The following MECOM variants were observed in gnomAD, a reference collection of about 807,000 sequenced individuals.
MECOM encodes the protein MDS1 and EVI1 complex locus.
MECOM carries 13 observed loss-of-function variants against 116.3 expected under a neutral mutation model. The observed-to-expected ratio is 0.11, with a 90% CI of 0.07 to 0.18. The LOEUF is 0.18. Among genes scored for constraint, MECOM ranks in the 10% least tolerant of loss-of-function variants. The pLI, the probability that MECOM is intolerant of heterozygous loss-of-function variation, is 1.00. For missense variants in MECOM, 1,299 were observed against 1,509.0 expected (o/e 0.86, Z 2.31); for synonymous variants, 528 against 535.2 (o/e 0.99, Z 0.19).
At chr3:169,244,110 C>T (rs1755246462) in intron 2 of MECOM, among the ~76,000 whole-genome samples, 1 of 152,188 alleles carries the variant, frequency 6.6e-6, no homozygotes, top group Non-Finnish European at 1.5e-5. Context: ...CAGAAATGTG[C>T]CCCTCCACAA....
At chr3:169,653,816 G>T (rs961816317) in intron 1 of MECOM, among the ~76,000 whole-genome samples, 4 of 152,154 alleles carry the variant, frequency 2.6e-5, no homozygotes, top group Admixed American at 2.0e-4. Context: ...GGCACAAAAA[G>T]GTTACATGGC....
At chr3:169,223,397 G>A (rs940045418) in intron 2 of MECOM, among the ~76,000 whole-genome samples, 5 of 149,118 alleles carry the variant, frequency 3.4e-5, no homozygotes, top group African/African-American at 1.2e-4. Context: ...TTGGTTTTCT[G>A]TCCTTGTGAT....
At chr3:169,579,716 G>A (rs998102773) in intron 1 of MECOM, among the ~76,000 whole-genome samples, 4 of 152,158 alleles carry the variant, frequency 2.6e-5, no homozygotes, top group African/African-American at 9.7e-5. Context: ...CTTCCTAGCT[G>A]GGCCCAAATG....
intron 2 of MECOM, among the ~76,000 whole-genome samples, chr3:169,209,999 TACAC>T (rs1044213987): frequency 9.2e-5 from 14 of 152,140 alleles, no homozygotes; most frequent in African/African-American, 3.4e-4. Flanking sequence ...GTGGTATATA[TACAC>T]CATGGAATGC....
intron 1 of MECOM, among the ~76,000 whole-genome samples, chr3:169,392,066 G>A (rs769735524): frequency 2.6e-5 from 4 of 152,052 alleles, no homozygotes; most frequent in Admixed American, 6.5e-5. Flanking sequence ...CAGTACAATC[G>A]GCTTTTGTTG....
chr3:169,652,374 A>C (rs1775027852), intron 1 of MECOM, among the ~76,000 whole-genome samples: 1 of 152,230 alleles, frequency 6.6e-6, no homozygotes, highest in Admixed American at 6.5e-5. Flanking sequence ...GTCTATGCTA[A>C]GCATAAAAGC....
At chr3:169,144,972 T>C (rs73167967) in intron 2 of MECOM, 94 of 1,553,070 alleles carry the variant, frequency 6.1e-5, no homozygotes, top group Admixed American at 9.5e-5. Flanking sequence ...AATCACCCAA[T>C]TGCAGATTCA....
intron 1 of MECOM, among the ~76,000 whole-genome samples, chr3:169,450,220 G>A (rs1051981169): frequency 3.3e-5 from 5 of 152,110 alleles, no homozygotes; most frequent in Admixed American, 1.3e-4. Context: ...AGACACTAAC[G>A]TAAACCTATT....
intron 1 of MECOM, among the ~76,000 whole-genome samples, chr3:169,529,946 A>G (rs1293311785): frequency 6.6e-6 from 1 of 152,228 alleles, no homozygotes; most frequent in African/African-American, 2.4e-5. Context: ...CAAATAACTC[A>G]AAGTAGAAAA....
intron 1 of MECOM, among the ~76,000 whole-genome samples, chr3:169,653,744 C>T (rs1367600029): frequency 1.3e-5 from 2 of 152,156 alleles, no homozygotes; most frequent in African/African-American, 2.4e-5. Flanking sequence ...ACTCTAAATG[C>T]ATTAGTTTGA....
At chr3:169,171,059 T>C (rs2149371037) in intron 2 of MECOM, among the ~76,000 whole-genome samples, 1 of 152,344 alleles carries the variant, frequency 6.6e-6, no homozygotes, top group African/African-American at 2.4e-5. Flanking sequence ...TGTCACTGTA[T>C]GCTTATAAAT....
At chr3:169,145,729 G>C (rs944816937) in intron 2 of MECOM, 1 of 220,478 alleles carries the variant, frequency 4.5e-6, no homozygotes, top group Non-Finnish European at 9.1e-6. Context: ...CCTTTCACAG[G>C]GGCAGGGAGT....
chr3:169,313,044 G>A lies in MECOM; in HGVS notation c.375+68143C>T, dbSNP rs1001009351. Among the ~76,000 whole-genome samples, 5 of 152,260 alleles carry A rather than the reference G, an allele frequency of 3.3e-5. No individual in the cohort carries two copies. The East Asian group carries it at 7.7e-4, about 23-fold the overall frequency. ...GAAAAGAGGACAAGTAACCACAAAA[G>A]CAAGTTGAGACAACCAGTGAAATAA... On this transcript the variant is annotated intron_variant, in intron 2 of 16. Transcript: ENST00000651503.
At chr3:169,483,478 G>T (rs1751683978) in intron 1 of MECOM, among the ~76,000 whole-genome samples, 1 of 139,376 alleles carries the variant, frequency 7.2e-6, no homozygotes, top group South Asian at 2.4e-4. Flanking sequence ...ATTACCACGA[G>T]AATTGAAATT....
intron 2 of MECOM, among the ~76,000 whole-genome samples, chr3:169,256,617 G>T (rs920045088): frequency 1.3e-5 from 2 of 152,230 alleles, no homozygotes; most frequent in African/African-American, 2.4e-5. Context: ...AAAAGATGGA[G>T]TTAGTCCAAG....
At chr3:169,385,181 G>A (rs1733116359) in intron 1 of MECOM, among the ~76,000 whole-genome samples, 1 of 150,644 alleles carries the variant, frequency 6.6e-6, no homozygotes, top group Non-Finnish European at 1.5e-5. Context: ...CATGACCTCT[G>A]AATTACCCAC....
At chr3:169,389,869 CG>C (rs1733953731) in intron 1 of MECOM, among the ~76,000 whole-genome samples, 1 of 152,106 alleles carries the variant, frequency 6.6e-6, no homozygotes, top group Admixed American at 6.5e-5. Context: ...TTACTGATGA[CG>C]GAACACATTA....
In MECOM at chr3:169,184,156, G is replaced by A. The variant is rs141746823; in HGVS notation, c.376-40324C>T. Among the ~76,000 whole-genome samples the A allele has an allele frequency of 4.1e-3, 629 of 152,228 alleles. 5 individuals are homozygous for A. The highest frequency in any genetic ancestry group is 0.014 in the Middle Eastern group (4 of 294). On this transcript the variant is annotated intron_variant, in intron 2 of 16. Transcript: ENST00000651503. Reference sequence around the variant, plus strand: ...TGGGATTACAGGCTTGAGCCACCACGCCTGGCCAGGACTGTAGAAGATATT... The same window carrying A: ...TGGGATTACAGGCTTGAGCCACCACACCTGGCCAGGACTGTAGAAGATATT...
intron 2 of MECOM, among the ~76,000 whole-genome samples, chr3:169,180,405 CAT>C: frequency 6.6e-6 from 1 of 152,144 alleles, no homozygotes; most frequent in South Asian, 2.1e-4. Context: ...TCCCTTTAGC[CAT>C]GTGTGTATGT....
Sources: allele counts gnomAD v4.1 joint callset (sites outside exome capture counted in the v4.1 genomes callset), GRCh38; gene constraint gnomAD v4.1.1; transcripts MANE v1.5; gene names NCBI Gene and HGNC (gene_info 2026-07-23, HGNC 2026-07-21).